CSMD2: variants seen among roughly 807,000 people sequenced by gnomAD.
CSMD2 encodes the protein CUB and Sushi multiple domains 2, also known as CUB and sushi domain-containing protein 2.
In CSMD2, 130 loss-of-function variants were observed where a neutral mutation model predicts 398.5. The observed-to-expected ratio is 0.33, with a 90% confidence interval of 0.28 to 0.38. CSMD2 has a LOEUF of 0.38. Among genes scored for constraint, CSMD2 ranks in the 10% least tolerant of loss-of-function variants. CSMD2 has a pLI of 1.00. For missense variants in CSMD2, 3,829 were observed against 4,764.9 expected (o/e 0.80, Z 5.78); for synonymous variants, 1,828 against 1,908.5 (o/e 0.96, Z 1.10).
intron 13 of CSMD2, among the ~76,000 whole-genome samples, chr1:33,753,640 A>T (rs1648572451): frequency 6.6e-6 from 1 of 152,220 alleles, no homozygotes; most frequent in African/African-American, 2.4e-5. Context: ...GAGTCATGGC[A>T]AGCTTGCATC....
rs10914870 is a variant in CSMD2 at position 34,133,269 on chromosome 1, A to G, written c.187+31642T>C. ...ATATCATCCCAGTATCTAGCACTGAACTCTGCACTTGAAGTTGTCTGAATA... is the reference window on the plus strand; with the variant it reads ...ATATCATCCCAGTATCTAGCACTGAGCTCTGCACTTGAAGTTGTCTGAATA... On this transcript the variant is annotated intron_variant, in intron 1 of 70. Transcript: ENST00000373381. Among the ~76,000 whole-genome samples, 269 of 152,258 alleles carry G rather than the reference A, an allele frequency of 1.8e-3. 1 individual carries two copies. Among genetic ancestry groups the G allele is most frequent in the African/African-American group, 6.1e-3 (253 of 41,542 alleles).
intron 4 of CSMD2, among the ~76,000 whole-genome samples, chr1:33,929,496 G>A (rs1349612627): frequency 7.2e-6 from 1 of 139,384 alleles, no homozygotes; most frequent in Non-Finnish European, 1.5e-5. Context: ...GGAGTGCAGT[G>A]GCATGATCTC....
chr1:33,773,650 AG>A (rs1348243897), intron 12 of CSMD2, among the ~76,000 whole-genome samples: 1 of 151,746 alleles, frequency 6.6e-6, no homozygotes, highest in Non-Finnish European at 1.5e-5. Context: ...GACGAGGAGG[AG>A]GGGGTGGTGG....
At chr1:33,920,867 AG>A (rs2125291091) in intron 4 of CSMD2, among the ~76,000 whole-genome samples, 1 of 152,312 alleles carries the variant, frequency 6.6e-6, no homozygotes, top group East Asian at 1.9e-4. Flanking sequence ...AGTGAGACAT[AG>A]TCAGAGTCTG....
At chr1:34,003,675 G>A (rs1196169076) in intron 3 of CSMD2, among the ~76,000 whole-genome samples, 2 of 152,066 alleles carry the variant, frequency 1.3e-5, no homozygotes, top group Non-Finnish European at 2.9e-5. Context: ...TATCCCCTTG[G>A]TGGGGACATG....
intron 11 of CSMD2, among the ~76,000 whole-genome samples, chr1:33,790,679 CTATCT>C (rs1654142821): frequency 1.3e-5 from 2 of 150,692 alleles, no homozygotes; most frequent in Non-Finnish European, 2.9e-5. Flanking sequence ...ATCTATCTAT[CTATCT>C]ATCTATCTAT....
chr1:33,596,136 G>A (rs1358187605), intron 44 of CSMD2, among the ~76,000 whole-genome samples: 1 of 152,042 alleles, frequency 6.6e-6, no homozygotes, highest in African/African-American at 2.4e-5. Context: ...TAACGTATTC[G>A]ATCAGTCACC....
chr1:33,547,226 A>G (rs770893037), intron 56 of CSMD2, among the ~76,000 whole-genome samples: 10 of 152,188 alleles, frequency 6.6e-5, no homozygotes, highest in African/African-American at 1.2e-4. Context: ...CAAGGACCCA[A>G]GGAGCGAAGA....
At position 34,026,576 on chromosome 1, in the gene CSMD2, T is replaced by C. The variant is rs536559692; in HGVS notation, c.517+6018A>G. The stretch of plus-strand genomic sequence containing the variant: ...AAAGTGTCAGAGTGCACGAGATCCA[T>C]GCTGCTAAAATGCAGAGGTGCAACC... On this transcript the variant is annotated intron_variant, in intron 3 of 70. Transcript: ENST00000373381. Among the ~76,000 whole-genome samples the C allele has an allele frequency of 4.6e-5, 7 of 152,340 alleles. No homozygotes were observed. The East Asian group carries it at 1.4e-3, about 29-fold the overall frequency.
rs370366326 is a variant in CSMD2 at position 33,714,797 on chromosome 1, C to T, written c.3218-22G>A. On this transcript the variant is annotated intron_variant, in intron 20 of 70. Coordinates refer to ENST00000373381, the MANE Select transcript of CSMD2 (RefSeq NM_001281956.2). ...TACTCTGGAAAGGTAGCAGGAGATC[C>T]GGGCTCAGAGACATTGCGGGGAGAC... 9.4e-5 allele frequency: 152 copies of T among 1,611,980 alleles called. 1 individual carries two copies. In the African/African-American group the frequency reaches 9.9e-4, roughly 10 times the overall value.
chr1:33,802,449 T>C (rs958894437), intron 10 of CSMD2, among the ~76,000 whole-genome samples: 1 of 152,202 alleles, frequency 6.6e-6, no homozygotes, highest in Non-Finnish European at 1.5e-5. Flanking sequence ...TGTAGGTTCT[T>C]AGCCATTCCC....
chr1:33,653,269 G>A (rs921172901), intron 27 of CSMD2, among the ~76,000 whole-genome samples: 2 of 152,158 alleles, frequency 1.3e-5, no homozygotes, highest in Non-Finnish European at 2.9e-5. Flanking sequence ...GGCACTGTCT[G>A]TACACCTATG....
chr1:34,044,184 C>A (rs965857861), intron 2 of CSMD2, among the ~76,000 whole-genome samples: 1 of 152,040 alleles, frequency 6.6e-6, no homozygotes, highest in African/African-American at 2.4e-5. Context: ...ATTAATACAA[C>A]CAGATTTTTC....
chr1:34,024,988 C>T (rs1649441343), intron 3 of CSMD2, among the ~76,000 whole-genome samples: 2 of 152,216 alleles, frequency 1.3e-5, no homozygotes, highest in Non-Finnish European at 2.9e-5. Context: ...CATGTACTTG[C>T]TTCCAATTCC....
intron 29 of CSMD2, among the ~76,000 whole-genome samples, chr1:33,641,640 T>G (rs951580491): frequency 2.6e-5 from 4 of 152,170 alleles, no homozygotes; most frequent in Admixed American, 6.5e-5. Context: ...TTCAGAATCA[T>G]CTCCTAGAAA....
chr1:33,827,060 C>T (rs1432161534), intron 6 of CSMD2, among the ~76,000 whole-genome samples: 1 of 152,236 alleles, frequency 6.6e-6, no homozygotes, highest in East Asian at 1.9e-4. Context: ...AAGGCAACCA[C>T]TTCTCACAAC....
chr1:33,618,303 C>A (rs1641531536), intron 37 of CSMD2, among the ~76,000 whole-genome samples: 2 of 152,078 alleles, frequency 1.3e-5, no homozygotes, highest in Admixed American at 1.3e-4. Context: ...TCCTTCATCC[C>A]CTACCCCAAG....
At chr1:34,012,723 GCT>G (rs1647532642) in intron 3 of CSMD2, among the ~76,000 whole-genome samples, 1 of 152,164 alleles carries the variant, frequency 6.6e-6, no homozygotes, top group Non-Finnish European at 1.5e-5. Flanking sequence ...TTTATTCACT[GCT>G]CTGAGCCTAG....
At chr1:33,868,566 T>C (rs1315381735) in intron 5 of CSMD2, among the ~76,000 whole-genome samples, 1 of 152,076 alleles carries the variant, frequency 6.6e-6, no homozygotes, top group Non-Finnish European at 1.5e-5. Flanking sequence ...TGAAACCCCA[T>C]GTCTACTAAA....
Sources: allele counts gnomAD v4.1 joint callset (sites outside exome capture counted in the v4.1 genomes callset), GRCh38; gene constraint gnomAD v4.1.1; transcripts MANE v1.5; gene names NCBI Gene and HGNC (gene_info 2026-07-23, HGNC 2026-07-21).